Variants in MR1 observed in about 807,000 individuals in gnomAD.
MR1 encodes the protein major histocompatibility complex, class I-related, also known as major histocompatibility complex class I-related protein 1.
A neutral mutation model predicts 37.8 loss-of-function variants in MR1; 44 were observed. The ratio of observed to expected loss-of-function variants is 1.16; its 90% confidence interval spans 0.91 to 1.50. The LOEUF (loss-of-function observed/expected upper bound fraction) is 1.50. Among genes scored for constraint, MR1 ranks in the 40% most tolerant of loss-of-function variants. The probability of loss-of-function intolerance (pLI) is 0.00; values close to 1 mark genes in which losing one functional copy is unlikely to be tolerated. For synonymous variants in MR1, 153 were observed against 155.8 expected (o/e 0.98, Z 0.13); for missense variants, 386 against 419.1 (o/e 0.92, Z 0.69).
rs1414163383 is a variant in MR1 at position 181,059,498 on chromosome 1, G to C, written c.*4233G>C. On this transcript the variant is annotated 3_prime_UTR_variant, in exon 6 of 6. Transcript: ENST00000367580. ...GGGTAAGCAGTTCTGGCTTCTCATG[G>C]AGTTGGAGGCAAGTGGTGGCTGGAA... 1.3e-5 allele frequency: 2 copies of C among 152,342 alleles called. No individual in the cohort carries two copies. Among genetic ancestry groups the C allele is most frequent in the African/African-American group, 4.8e-5 (2 of 41,450 alleles). The allele number at this position is 152,342 out of a possible 1,614,324, so 9.4% of individuals were successfully genotyped here. A position where few individuals can be genotyped will look rare whatever the true frequency, so the allele number is the denominator to read the frequency against.
Position 181,049,044 on chromosome 1 carries a change from C to A in MR1, c.68-8C>A, listed in dbSNP as rs2236411. On this transcript the variant is annotated splice_region_variant and splice_polypyrimidine_tract_variant and intron_variant, in intron 1 of 5. Coordinates refer to ENST00000367580, the MANE Select transcript of MR1 (RefSeq NM_001385161.1). The stretch of plus-strand genomic sequence containing the variant: ...CCTACATGTCTTCCTTCTTTGCCTC[C>A]TTTCCAGGGACGCACTCTCTGAGAT... 23 of 1,611,976 alleles carry A rather than the reference C, an allele frequency of 1.4e-5. No homozygotes were observed. Among genetic ancestry groups the A allele is most frequent in the Admixed American group, 5.0e-5 (3 of 59,862 alleles).
At chr1:181,050,460 C>A in intron 3 of MR1, 174 bp downstream of exon 3, 1 of 747,290 alleles carries the variant, frequency 1.3e-6, no homozygotes, top group Non-Finnish European at 2.2e-6. Flanking sequence ...TTTTGAGCAG[C>A]ATCTTGACAA....
intron 4 of MR1, 149 bp from the exon 5 acceptor site, chr1:181,053,424 A>G: frequency 1.7e-6 from 1 of 586,736 alleles, no homozygotes. Flanking sequence ...ACAAGCAGAT[A>G]TTCCATTAGT....
At chr1:181,042,177 A>T (rs1363384149) in intron 1 of MR1, among the ~76,000 whole-genome samples, 3 of 151,470 alleles carry the variant, frequency 2.0e-5, no homozygotes, top group Non-Finnish European at 4.4e-5. Flanking sequence ...TCCATTCACC[A>T]GCCTTCCCTT....
At position 181,060,585 on chromosome 1, in the gene MR1, G is replaced by A. The variant is rs1366311460; in HGVS notation, c.*5320G>A. 1 of 152,232 alleles carries A rather than the reference G, an allele frequency of 6.6e-6. No homozygotes were observed. The highest frequency in any genetic ancestry group is 2.1e-4 in the South Asian group (1 of 4,826). The allele number at this position is 152,232 out of a possible 1,614,324, so 9.4% of individuals were successfully genotyped here. ...CCAAAGGAATCTGTGGAATTTTGGA[G>A]AGTTTGGGAGCATTTGGGGGCAGGA... On this transcript the variant is annotated 3_prime_UTR_variant, in exon 6 of 6. Transcript: ENST00000367580.
In MR1 at chr1:181,056,479, A is replaced by G. The variant is rs989956142; in HGVS notation, c.*1214A>G. 1.3e-5 allele frequency: 2 copies of G among 152,122 alleles called. No homozygotes were observed. Among genetic ancestry groups the G allele is most frequent in the Admixed American group, 6.5e-5 (1 of 15,276 alleles). The allele number at this position is 152,122 out of a possible 1,614,324, so 9.4% of individuals were successfully genotyped here. On this transcript the variant is annotated 3_prime_UTR_variant, in exon 6 of 6. Transcript: ENST00000367580. ...CTGTGCTGGCTCATGGTAGCTGGGC[A>G]TGACTTGCCTTCCTACATAGGTTGT...
Position 181,052,262 on chromosome 1 carries a change from A to G in MR1, c.632A>G (p.Lys211Arg), listed in dbSNP as rs769402916. Residue 211 changes from lysine (K) to arginine (R), a missense_variant, in exon 4 of 6, where the codon AAA becomes AGA. Physicochemically the swap from Lys to Arg is conservative, Grantham distance 26. Coordinates refer to ENST00000367580, the MANE Select transcript of MR1 (RefSeq NM_001385161.1). ...TEPPLVRVNR[K>R]ETFPGVTALF... Reference sequence around the variant, plus strand: ...CCCCCACTGGTCAGAGTAAATCGCAAAGAAACTTTTCCAGGGGTTACAGCT... The same window carrying G: ...CCCCCACTGGTCAGAGTAAATCGCAGAGAAACTTTTCCAGGGGTTACAGCT... 2 of 1,614,204 alleles carry G rather than the reference A, an allele frequency of 1.2e-6. No individual in the cohort carries two copies. The highest frequency in any genetic ancestry group is 2.2e-5 in the South Asian group (2 of 91,084).
In MR1 at chr1:181,055,609, G is replaced by A. The variant is rs1372085549; in HGVS notation, c.*344G>A. 1 of 308,596 alleles carries A rather than the reference G, an allele frequency of 3.2e-6. No individual in the cohort carries two copies. Among genetic ancestry groups the A allele is most frequent in the Non-Finnish European group, 5.9e-6 (1 of 169,208 alleles). The allele number at this position is 308,596 out of a possible 1,614,324, so 19.1% of individuals were successfully genotyped here. A position where few individuals can be genotyped will look rare whatever the true frequency, so the allele number is the denominator to read the frequency against. ...GAGCAGGAAGGAATCTTTTCAACCA[G>A]AGCAGGAACTGTCTTCTGCAATGCC... On this transcript the variant is annotated 3_prime_UTR_variant, in exon 6 of 6. Coordinates refer to ENST00000367580, the MANE Select transcript of MR1 (RefSeq NM_001385161.1).
At position 181,041,965 on chromosome 1, in the gene MR1, T is replaced by C. The variant is rs528391750; in HGVS notation, c.68-7087T>C. Reference sequence around the variant, plus strand: ...AAGAGTGGCTGGCACAGAAGAAGCATTGGATATACAAATCAATATTAAGGA... The same window carrying C: ...AAGAGTGGCTGGCACAGAAGAAGCACTGGATATACAAATCAATATTAAGGA... On this transcript the variant is annotated intron_variant, in intron 1 of 5. Coordinates refer to ENST00000367580, the MANE Select transcript of MR1 (RefSeq NM_001385161.1). Among the ~76,000 whole-genome samples the C allele has an allele frequency of 2.6e-5, 4 of 152,310 alleles. No homozygotes were observed. The South Asian group carries it at 8.3e-4, about 32-fold the overall frequency.
chr1:181,047,327 A>T (rs1657941153), intron 1 of MR1, among the ~76,000 whole-genome samples: 2 of 152,190 alleles, frequency 1.3e-5, no homozygotes, highest in South Asian at 4.1e-4. Context: ...TCGGCCGGCC[A>T]TGGTGGCTCA....
At position 181,060,281 on chromosome 1, in the gene MR1, G is replaced by C. The variant is rs890478067; in HGVS notation, c.*5016G>C. ...TTAGGGACCCACTCTACTACTGCAG[G>C]ATGACCTCACCTTCCCAAATTACAT... On this transcript the variant is annotated 3_prime_UTR_variant, in exon 6 of 6. Transcript: ENST00000367580. 4.6e-5 allele frequency: 7 copies of C among 152,178 alleles called. No individual in the cohort carries two copies. The highest frequency in any genetic ancestry group is 3.9e-4 in the Admixed American group (6 of 15,272). The allele number at this position is 152,178 out of a possible 1,614,324, so 9.4% of individuals were successfully genotyped here.
At chr1:181,046,323 G>A (rs1188189600) in intron 1 of MR1, among the ~76,000 whole-genome samples, 2 of 152,204 alleles carry the variant, frequency 1.3e-5, no homozygotes, top group Non-Finnish European at 2.9e-5. Flanking sequence ...GAACCTTTAT[G>A]TCTAGCTAAG....
At chr1:181,048,913 G>A (rs1658098508) in intron 1 of MR1, 139 bp from the exon 2 acceptor site, 4 of 1,129,960 alleles carry the variant, frequency 3.5e-6, no homozygotes, top group Admixed American at 5.1e-5. Flanking sequence ...CTGTGGTTCT[G>A]TAAGAGGAAA....
At chr1:181,045,106 G>C (rs547802609) in intron 1 of MR1, among the ~76,000 whole-genome samples, 1 of 152,298 alleles carries the variant, frequency 6.6e-6, no homozygotes, top group East Asian at 1.9e-4. Flanking sequence ...TAAATATCTG[G>C]ATCTCTGGTA....
chr1:181,040,766 TAA>T (rs1024735712), intron 1 of MR1, among the ~76,000 whole-genome samples: 4 of 137,758 alleles, frequency 2.9e-5, no homozygotes, highest in Non-Finnish European at 3.2e-5. Flanking sequence ...AGATTGAAGT[TAA>T]AAAAAAAAAA....
rs1464301420 is a variant in MR1 at position 181,059,950 on chromosome 1, C to A, written c.*4685C>A. On this transcript the variant is annotated 3_prime_UTR_variant, in exon 6 of 6. Coordinates refer to ENST00000367580, the MANE Select transcript of MR1 (RefSeq NM_001385161.1). ...CACAATGTCATGTTCTCCATCGTCT[C>A]CCCGTTCCACCTTGTACTGGTTTCC... The A allele has an allele frequency of 6.6e-6, 1 of 152,198 alleles. No individual in the cohort carries two copies. The highest frequency in any genetic ancestry group is 6.5e-5 in the Admixed American group (1 of 15,280). The allele number at this position is 152,198 out of a possible 1,614,324, so 9.4% of individuals were successfully genotyped here. A position where few individuals can be genotyped will look rare whatever the true frequency, so the allele number is the denominator to read the frequency against.
At chr1:181,040,272 G>T (rs1033320645) in intron 1 of MR1, among the ~76,000 whole-genome samples, 2 of 152,176 alleles carry the variant, frequency 1.3e-5, no homozygotes, top group African/African-American at 4.8e-5. Context: ...CGAGAAAAGA[G>T]AAATGGAAGA....
In MR1 at chr1:181,052,313, AC is replaced by A. The variant is rs1254492579; in HGVS notation, c.689del (p.Pro230GlnfsTer5). 1.9e-6 allele frequency: 3 copies of A among 1,614,128 alleles called. No individual in the cohort carries two copies. The highest frequency in any genetic ancestry group is 2.2e-5 in the East Asian group (1 of 44,880). The stretch of plus-strand genomic sequence containing the variant: ...CTCTTCTGCAAAGCTCATGGCTTTT[AC>A]CCCCCAGAAATTTACATGACATGGA... Reference protein sequence around the residue: ...TALFCKAHGFYPPEIYMTWMK... With the variant: ...TALFCKAHGFXPPEIYMTWMK... On this transcript the variant is annotated frameshift_variant, in exon 4 of 6. Coordinates refer to ENST00000367580, the MANE Select transcript of MR1 (RefSeq NM_001385161.1). LOFTEE classifies it high-confidence loss of function.
chr1:181,054,918 G>T (rs979888667), intron 5 of MR1, among the ~76,000 whole-genome samples: 1 of 152,112 alleles, frequency 6.6e-6, no homozygotes, highest in African/African-American at 2.4e-5. Context: ...TTAATGGGTT[G>T]TTAATGTTTT....
Sources: allele counts gnomAD v4.1 joint callset (sites outside exome capture counted in the v4.1 genomes callset), GRCh38; gene constraint gnomAD v4.1.1; transcripts MANE v1.5; gene names NCBI Gene and HGNC (gene_info 2026-07-23, HGNC 2026-07-21).